The following VAMP7 variants were observed in gnomAD, a reference collection of about 807,000 sequenced individuals.
The protein encoded by VAMP7 is vesicle-associated membrane protein 7.
In VAMP7, 14 loss-of-function variants were observed where a neutral mutation model predicts 29.6. The observed-to-expected ratio is 0.47, with a 90% CI of 0.31 to 0.74. VAMP7 has a LOEUF of 0.74. Among genes scored for constraint, VAMP7 ranks in the 30% least tolerant of loss-of-function variants. The probability of loss-of-function intolerance (pLI) is 0.05; values close to 1 mark genes in which losing one functional copy is unlikely to be tolerated. For synonymous variants in VAMP7, 95 were observed against 88.1 expected, an observed-to-expected ratio of 1.08 and a Z score of -0.44; for missense variants, 223 against 262.4, an observed-to-expected ratio of 0.85 and a Z score of 1.04.
At chrX:155,937,288 C>T (rs2066674669) in intron 6 of VAMP7, among the ~76,000 whole-genome samples, 1 of 152,084 alleles carries the variant, frequency 6.6e-6, no homozygotes, top group South Asian at 2.1e-4. Flanking sequence ...AGATGTTGGT[C>T]AAAGTGTATG....
intron 5 of VAMP7, among the ~76,000 whole-genome samples, chrX:155,911,649 C>G (rs1395832496): frequency 2.0e-5 from 3 of 151,786 alleles, no homozygotes; most frequent in Admixed American, 2.0e-4. Flanking sequence ...TGTAGTTTTA[C>G]TTGTAGGAGT....
chrX:155,892,273 A>C (rs1213585888), intron 2 of VAMP7, among the ~76,000 whole-genome samples: 1 of 151,868 alleles, frequency 6.6e-6, no homozygotes, highest in Non-Finnish European at 1.5e-5. Context: ...ACTTTTGCTC[A>C]CTTTACAGGT....
At chrX:155,935,926 C>A (rs1052352989) in intron 6 of VAMP7, among the ~76,000 whole-genome samples, 6 of 152,108 alleles carry the variant, frequency 3.9e-5, no homozygotes, top group African/African-American at 1.4e-4. Context: ...ACAGTCAGGA[C>A]CCTCAGCTGC....
intron 5 of VAMP7, among the ~76,000 whole-genome samples, chrX:155,904,084 T>A (rs2066110956): frequency 6.6e-6 from 1 of 151,532 alleles, no homozygotes; most frequent in Non-Finnish European, 1.5e-5. Context: ...AAATCCTCAT[T>A]CTCAGTAAAC....
intron 7 of VAMP7, among the ~76,000 whole-genome samples, chrX:155,941,277 CTA>C (rs1213047619): frequency 4.6e-5 from 7 of 152,126 alleles, no homozygotes; most frequent in Admixed American, 2.6e-4. Context: ...AAATTATAAT[CTA>C]GAATTAAAAA....
chrX:155,918,827 A>T lies in VAMP7; in HGVS notation c.434-986A>T, dbSNP rs1302485018. Among the ~76,000 whole-genome samples, 4 of 152,294 alleles carry T rather than the reference A, an allele frequency of 2.6e-5. No homozygotes were observed. The South Asian group carries it at 8.3e-4, about 32-fold the overall frequency. ...TTTATCAGATGCTTTCTCTGCATCTATTAAGGTGATCATGTGGCTTTTATT... is the reference window on the plus strand; with the variant it reads ...TTTATCAGATGCTTTCTCTGCATCTTTTAAGGTGATCATGTGGCTTTTATT... On this transcript the variant is annotated intron_variant, in intron 5 of 7. Coordinates refer to ENST00000286448, the MANE Select transcript of VAMP7 (RefSeq NM_005638.6).
intron 2 of VAMP7, among the ~76,000 whole-genome samples, chrX:155,894,304 T>G (rs1398560884): frequency 4.0e-5 from 6 of 149,440 alleles, no homozygotes; most frequent in East Asian, 3.9e-4. Context: ...GTCCTTTGTT[T>G]TTTTTTTTTT....
chrX:155,930,091 C>G (rs1263366073), intron 6 of VAMP7, among the ~76,000 whole-genome samples: 3 of 152,186 alleles, frequency 2.0e-5, no homozygotes, highest in Non-Finnish European at 4.4e-5. Flanking sequence ...ACGTTGCTCT[C>G]TTGGCATCAG....
At chrX:155,924,529 A>C (rs764751224) in intron 6 of VAMP7, among the ~76,000 whole-genome samples, 1 of 152,262 alleles carries the variant, frequency 6.6e-6, no homozygotes, top group Non-Finnish European at 1.5e-5. Context: ...TATGTCATAT[A>C]AGTGGGATCA....
chrX:155,894,065 CT>C (rs2065956172), intron 2 of VAMP7, among the ~76,000 whole-genome samples: 1 of 152,266 alleles, frequency 6.6e-6, no homozygotes, highest in Admixed American at 6.5e-5. Flanking sequence ...ACAGGTACCC[CT>C]ATCTATCCAC....
intron 5 of VAMP7, among the ~76,000 whole-genome samples, chrX:155,901,774 G>T (rs1266645623): frequency 6.6e-6 from 1 of 152,098 alleles, no homozygotes; most frequent in East Asian, 1.9e-4. Flanking sequence ...GGTTACTATA[G>T]CCTTGTAGTA....
At chrX:155,928,598 T>A (rs2066504339) in intron 6 of VAMP7, among the ~76,000 whole-genome samples, 1 of 152,194 alleles carries the variant, frequency 6.6e-6, no homozygotes, top group South Asian at 2.1e-4. Flanking sequence ...TATAGAGACA[T>A]TTGTGATGTC....
chrX:155,904,211 G>C (rs920559379), intron 5 of VAMP7, among the ~76,000 whole-genome samples: 4 of 122,208 alleles, frequency 3.3e-5, no homozygotes, highest in East Asian at 2.9e-4. Flanking sequence ...GTTGTGGGGT[G>C]GGGGGAGGGG....
Position 155,897,377 on chromosome X carries a change from T to C in VAMP7, c.205-735T>C, listed in dbSNP as rs137904878. On this transcript the variant is annotated intron_variant, in intron 3 of 7. Transcript: ENST00000286448. The stretch of plus-strand genomic sequence containing the variant: ...CCATAGTGATCATCACAATGATTTT[T>C]ATCTCTGGCTTCACAATATTTTCCA... Among the ~76,000 whole-genome samples the C allele has an allele frequency of 3.7e-3, 558 of 152,266 alleles. 6 individuals are homozygous for C. The highest frequency in any genetic ancestry group is 0.013 in the African/African-American group (536 of 41,564).
At chrX:155,932,555 T>C (rs1459448474) in intron 6 of VAMP7, among the ~76,000 whole-genome samples, 1 of 152,188 alleles carries the variant, frequency 6.6e-6, no homozygotes, top group Non-Finnish European at 1.5e-5. Context: ...TGCACGTTGA[T>C]TTCGTATCAA....
intron 6 of VAMP7, among the ~76,000 whole-genome samples, chrX:155,929,199 A>G (rs1184337161): frequency 1.3e-5 from 2 of 152,188 alleles, no homozygotes; most frequent in Non-Finnish European, 1.5e-5. Context: ...ATTTGGGCCA[A>G]GTTTGAGGAC....
chrX:155,926,867 T>G (rs751761153), intron 6 of VAMP7, among the ~76,000 whole-genome samples: 1 of 152,154 alleles, frequency 6.6e-6, no homozygotes, highest in South Asian at 2.1e-4. Flanking sequence ...ATTTCAATAT[T>G]GTGTCTCGGC....
intron 5 of VAMP7, among the ~76,000 whole-genome samples, chrX:155,915,682 G>A (rs1384178393): frequency 6.6e-6 from 1 of 152,186 alleles, no homozygotes; most frequent in Non-Finnish European, 1.5e-5. Flanking sequence ...TTTTGAGTGA[G>A]TTTCTTAATC....
chrX:155,890,400 A>C (rs759599104), intron 2 of VAMP7, among the ~76,000 whole-genome samples: 3 of 152,110 alleles, frequency 2.0e-5, no homozygotes, highest in South Asian at 4.2e-4. Context: ...TCACTCTGTC[A>C]CCCAGGCTGG....
Sources: gnomAD v4.1 joint callset for allele counts (sites outside exome capture counted in the v4.1 genomes callset) on GRCh38, gnomAD v4.1.1 for gene constraint, MANE v1.5 for transcripts, NCBI Gene and HGNC (gene_info 2026-07-23, HGNC 2026-07-21) for gene names.